FARS2: variants seen among roughly 807,000 people sequenced by gnomAD.
FARS2 encodes the protein phenylalanyl-tRNA synthetase 2, mitochondrial, also known as phenylalanine--tRNA ligase, mitochondrial.
A neutral mutation model predicts 46.4 loss-of-function variants in FARS2; 40 were observed. The ratio of observed to expected loss-of-function variants is 0.86; its 90% CI spans 0.67 to 1.12. The LOEUF (loss-of-function observed/expected upper bound fraction) is 1.12. FARS2 is among the 50% of genes most tolerant of loss of function. The pLI is 0.00. For missense variants in FARS2, 513 were observed against 567.9 expected, an observed-to-expected ratio of 0.90 and a Z score of 0.98; for synonymous variants, 234 against 214.9, an observed-to-expected ratio of 1.09 and a Z score of -0.78.
chr6:5,758,851 G>A (rs1762345130), intron 6 of FARS2, among the ~76,000 whole-genome samples: 1 of 152,160 alleles, frequency 6.6e-6, no homozygotes, highest in Admixed American at 6.5e-5. Context: ...GTTGAGTGGG[G>A]CAGAAGGCTA....
chr6:5,280,441 A>G lies in FARS2; in HGVS notation c.-22+18781A>G, dbSNP rs74712735. ...GGGAGAAGGAGAACTGCCTTGGATA[A>G]TATATGGACTGTTGTCTAACTTCGC... On this transcript the variant is annotated intron_variant, in intron 1 of 6. Coordinates refer to ENST00000274680, the MANE Select transcript of FARS2 (RefSeq NM_006567.5). 7.6e-3 allele frequency among the ~76,000 whole-genome samples: 1,154 copies of G among 152,186 alleles called. 12 individuals are homozygous for G. The highest frequency in any genetic ancestry group is 0.026 in the African/African-American group (1,069 of 41,438).
At chr6:5,375,793 A>G (rs938599903) in intron 2 of FARS2, among the ~76,000 whole-genome samples, 7 of 152,094 alleles carry the variant, frequency 4.6e-5, no homozygotes, top group South Asian at 2.1e-4. Flanking sequence ...GTGGATCTCT[A>G]CCTCACTCTA....
At chr6:5,263,124 C>T (rs190962749) in intron 1 of FARS2, among the ~76,000 whole-genome samples, 8 of 152,242 alleles carry the variant, frequency 5.3e-5, no homozygotes, top group Admixed American at 3.3e-4. Flanking sequence ...GCAAAGATTA[C>T]ATTATTTTAT....
chr6:5,492,061 A>AT (rs1767155017), intron 4 of FARS2, among the ~76,000 whole-genome samples: 2 of 152,376 alleles, frequency 1.3e-5, no homozygotes, highest in African/African-American at 4.8e-5. Context: ...ATCTAGGTCA[A>AT]TAAAAACTAC....
At chr6:5,575,947 T>A (rs1772936356) in intron 5 of FARS2, among the ~76,000 whole-genome samples, 1 of 152,154 alleles carries the variant, frequency 6.6e-6, no homozygotes, top group Non-Finnish European at 1.5e-5. Context: ...ATGATGTCAG[T>A]TTGCCCCCAT....
chr6:5,452,130 G>T (rs1467635146), intron 4 of FARS2: 2 of 152,304 alleles, frequency 1.3e-5, no homozygotes, highest in African/African-American at 4.8e-5. Context: ...GAGACGGTTT[G>T]GGGTCCAGAG....
At chr6:5,520,747 A>T (rs1000702238) in intron 4 of FARS2, among the ~76,000 whole-genome samples, 1 of 152,234 alleles carries the variant, frequency 6.6e-6, no homozygotes, top group African/African-American at 2.4e-5. Context: ...TGAGAAAAAT[A>T]ACACATGAAG....
intron 1 of FARS2, among the ~76,000 whole-genome samples, chr6:5,347,728 A>G (rs941912575): frequency 3.9e-5 from 6 of 152,164 alleles, no homozygotes; most frequent in African/African-American, 1.4e-4. Context: ...ATTGCCGGCC[A>G]TTTTTCTGAA....
intron 2 of FARS2, among the ~76,000 whole-genome samples, chr6:5,398,218 A>T (rs966298439): frequency 6.6e-6 from 1 of 152,118 alleles, no homozygotes; most frequent in African/African-American, 2.4e-5. Flanking sequence ...TTTTTGCCAG[A>T]AATTATTGTG....
intron 4 of FARS2, among the ~76,000 whole-genome samples, chr6:5,438,241 CCCCCG>C (rs2127781911): frequency 1.7e-4 from 2 of 11,724 alleles, no homozygotes; most frequent in African/African-American, 5.1e-4. Context: ...TTCTACCCAC[CCCCCG>C]CCCCCCCCCC....
chr6:5,528,604 C>T (rs1387287934), intron 4 of FARS2, among the ~76,000 whole-genome samples: 1 of 152,230 alleles, frequency 6.6e-6, no homozygotes, highest in Non-Finnish European at 1.5e-5. Context: ...GGTTGACTGA[C>T]TCAGTGGCAG....
At chr6:5,555,604 T>G (rs941307559) in intron 5 of FARS2, among the ~76,000 whole-genome samples, 1 of 152,196 alleles carries the variant, frequency 6.6e-6, no homozygotes, top group Non-Finnish European at 1.5e-5. Context: ...GATTTTGCAG[T>G]GTTTCCTCAT....
chr6:5,414,467 A>G (rs903987646), intron 3 of FARS2, among the ~76,000 whole-genome samples: 1 of 152,192 alleles, frequency 6.6e-6, no homozygotes, highest in East Asian at 1.9e-4. Flanking sequence ...TTCTGTTACT[A>G]TAGGTTGGTT....
chr6:5,376,285 A>G (rs1328535378), intron 2 of FARS2, among the ~76,000 whole-genome samples: 1 of 152,234 alleles, frequency 6.6e-6, no homozygotes, highest in African/African-American at 2.4e-5. Context: ...ACTGGCTGAT[A>G]AACAAGGACC....
intron 6 of FARS2, among the ~76,000 whole-genome samples, chr6:5,708,637 T>A (rs992149579): frequency 6.7e-6 from 1 of 150,264 alleles, no homozygotes; most frequent in African/African-American, 2.4e-5. Context: ...CCCCAAATCC[T>A]TCTACACCCC....
rs531191575 is a variant in FARS2 at position 5,466,962 on chromosome 6, A to G, written c.904+35790A>G. The G allele has an allele frequency of 9.1e-6, 9 of 985,446 alleles. No homozygotes were observed. The African/African-American group carries it at 1.4e-4, about 15-fold the overall frequency. 61.0% of individuals were successfully genotyped at this position (985,446 alleles called of 1,614,324 possible). A position where few individuals can be genotyped will look rare whatever the true frequency, so the allele number is the denominator to read the frequency against. ...TACTAGCACAGCCTGTGCAGGAATG[A>G]TAAGAGGCACATATTCTTCAGTTCG... On this transcript the variant is annotated intron_variant, in intron 4 of 6. Coordinates refer to ENST00000274680, the MANE Select transcript of FARS2 (RefSeq NM_006567.5).
chr6:5,414,884 C>T (rs192625482), intron 3 of FARS2, among the ~76,000 whole-genome samples: 1 of 142,412 alleles, frequency 7.0e-6, no homozygotes, highest in African/African-American at 2.6e-5. Context: ...ATCGCGATCT[C>T]GGCTCACTGC....
intron 1 of FARS2, 136 bp from the exon 2 acceptor site, chr6:5,368,414 T>C: frequency 1.4e-6 from 1 of 700,708 alleles, no homozygotes; most frequent in East Asian, 2.5e-5. Context: ...TTTAATTGGC[T>C]CTTTCAGCTG....
chr6:5,669,914 A>G (rs1399922703), intron 6 of FARS2, among the ~76,000 whole-genome samples: 7 of 152,180 alleles, frequency 4.6e-5, no homozygotes, highest in African/African-American at 1.4e-4. Context: ...AGCTGCTTGC[A>G]CAGCTCATGA....
Sources: gnomAD v4.1 joint callset for allele counts (sites outside exome capture counted in the v4.1 genomes callset) on GRCh38, gnomAD v4.1.1 for gene constraint, MANE v1.5 for transcripts, NCBI Gene and HGNC (gene_info 2026-07-23, HGNC 2026-07-21) for gene names.